Variants in TENM3 observed in about 807,000 individuals in gnomAD.
TENM3 encodes teneurin-3.
In TENM3, 63 loss-of-function variants were observed where a neutral mutation model predicts 255.1. That is an observed-to-expected ratio of 0.25 (90% CI 0.20 to 0.30). TENM3 has a LOEUF of 0.30. Ranked by LOEUF, TENM3 falls within the 10% of genes least tolerant of loss-of-function variation. The pLI is 1.00. For missense variants in TENM3, 2,929 were observed against 3,461.1 expected, an observed-to-expected ratio of 0.85 and a Z score of 3.86; for synonymous variants, 1,306 against 1,322.3, an observed-to-expected ratio of 0.99 and a Z score of 0.27.
At chr4:182,044,363 G>A in the TENM3 span, among the ~76,000 whole-genome samples, 23 of 152,206 alleles carry the variant, frequency 1.5e-4, no homozygotes, top group African/African-American at 5.5e-4. Flanking sequence ...GATCTAGTGG[G>A]TATGCTCTTA....
chr4:182,529,361 A>G (rs1317055978), intron 3 of TENM3, among the ~76,000 whole-genome samples: 3 of 152,170 alleles, frequency 2.0e-5, no homozygotes, highest in Non-Finnish European at 4.4e-5. Context: ...TTCAAGTATA[A>G]AAAGTGTTCA....
At chr4:182,093,985 T>C in the TENM3 span, among the ~76,000 whole-genome samples, 3 of 152,146 alleles carry the variant, frequency 2.0e-5, no homozygotes, top group Admixed American at 6.5e-5. Flanking sequence ...ACATTTTTAA[T>C]AGAGGAAGGA....
the TENM3 span, among the ~76,000 whole-genome samples, chr4:181,640,841 C>A: frequency 2.0e-5 from 3 of 152,226 alleles, no homozygotes; most frequent in African/African-American, 4.8e-5. Flanking sequence ...TTGGGCAACC[C>A]TTTCCTCCAA....
the TENM3 span, among the ~76,000 whole-genome samples, chr4:182,014,180 ATGTGTG>A: frequency 6.8e-6 from 1 of 148,096 alleles, no homozygotes; most frequent in African/African-American, 2.5e-5. Flanking sequence ...ACATATATAT[ATGTGTG>A]TGTATATATA....
intron 1 of TENM3, among the ~76,000 whole-genome samples, chr4:182,233,962 G>A (rs1454862134): frequency 6.6e-6 from 1 of 152,158 alleles, no homozygotes; most frequent in Non-Finnish European, 1.5e-5. Flanking sequence ...AGCTTTCCAG[G>A]CGTCTGATTT....
intron 13 of TENM3, 25 bp downstream of exon 13, chr4:182,714,258 G>T: frequency 6.5e-7 from 1 of 1,530,230 alleles, no homozygotes; most frequent in Non-Finnish European, 8.8e-7. Context: ...GCATGAACAC[G>T]AGTCTGTGCC....
At chr4:182,057,042 C>T in the TENM3 span, among the ~76,000 whole-genome samples, 1 of 150,946 alleles carries the variant, frequency 6.6e-6, no homozygotes, top group Admixed American at 6.7e-5. Context: ...TCTCGAATGC[C>T]CCAGTGATAG....
chr4:182,110,146 G>A, the TENM3 span, among the ~76,000 whole-genome samples: 1 of 149,970 alleles, frequency 6.7e-6, no homozygotes, highest in Non-Finnish European at 1.5e-5. Context: ...GAAATTCACA[G>A]TTCAGTGTCC....
chr4:181,534,357 C>T, the TENM3 span, among the ~76,000 whole-genome samples: 1 of 152,004 alleles, frequency 6.6e-6, no homozygotes, highest in Non-Finnish European at 1.5e-5. Flanking sequence ...ATACATTTAC[C>T]AGCCAATTTC....
chr4:182,153,178 T>G (rs1468867140), intron 1 of TENM3, among the ~76,000 whole-genome samples: 4 of 152,092 alleles, frequency 2.6e-5, no homozygotes, highest in Middle Eastern at 6.8e-3. Context: ...AAAGGCAGCC[T>G]GAAAAAGAAA....
At chr4:181,459,439 A>T in the TENM3 span, among the ~76,000 whole-genome samples, 10 of 151,748 alleles carry the variant, frequency 6.6e-5, no homozygotes, top group Non-Finnish European at 5.9e-5. Flanking sequence ...TTCCATAAAA[A>T]TTTCCTCCTA....
chr4:181,575,733 A>T, the TENM3 span, among the ~76,000 whole-genome samples: 1 of 151,960 alleles, frequency 6.6e-6, no homozygotes, highest in East Asian at 1.9e-4. Flanking sequence ...TTGGGGTTCA[A>T]CTCCTTTTTC....
intron 4 of TENM3, among the ~76,000 whole-genome samples, chr4:182,624,145 T>G (rs1282474398): frequency 6.6e-6 from 1 of 152,216 alleles, no homozygotes; most frequent in East Asian, 1.9e-4. Context: ...GGACATGGTA[T>G]ATCTTCAGCC....
chr4:182,050,670 G>A, the TENM3 span, among the ~76,000 whole-genome samples: 7 of 152,154 alleles, frequency 4.6e-5, no homozygotes, highest in East Asian at 5.8e-4. Context: ...CAGGCATGGC[G>A]GTGCACACCT....
chr4:182,529,807 G>C (rs759325726), intron 3 of TENM3, among the ~76,000 whole-genome samples: 2 of 152,176 alleles, frequency 1.3e-5, no homozygotes, highest in African/African-American at 2.4e-5. Context: ...TTACAGTGTA[G>C]TTACAGAGAA....
chr4:182,797,770 G>A (rs1284630111), intron 27 of TENM3, among the ~76,000 whole-genome samples: 1 of 152,132 alleles, frequency 6.6e-6, no homozygotes, highest in African/African-American at 2.4e-5. Flanking sequence ...GGAGAAGACA[G>A]TGCAGACTTT....
At chr4:182,007,905 G>T in the TENM3 span, among the ~76,000 whole-genome samples, 1 of 152,184 alleles carries the variant, frequency 6.6e-6, no homozygotes, top group Non-Finnish European at 1.5e-5. Flanking sequence ...AGGAGCTCTT[G>T]CAGGCCAGAC....
intron 16 of TENM3, among the ~76,000 whole-genome samples, chr4:182,732,091 T>C (rs1330480328): frequency 1.3e-5 from 2 of 152,158 alleles, no homozygotes; most frequent in African/African-American, 4.8e-5. Flanking sequence ...TTTCTAGTTA[T>C]TTCTTAAAGA....
At chr4:182,267,224 G>A (rs1215824104) in intron 1 of TENM3, among the ~76,000 whole-genome samples, 1 of 152,132 alleles carries the variant, frequency 6.6e-6, no homozygotes, top group Non-Finnish European at 1.5e-5. Flanking sequence ...TAACAGTTGA[G>A]TGTATGCCTA....
Sources: gnomAD v4.1 joint callset for allele counts (sites outside exome capture counted in the v4.1 genomes callset) on GRCh38, gnomAD v4.1.1 for gene constraint, MANE v1.5 for transcripts, NCBI Gene and HGNC (gene_info 2026-07-23, HGNC 2026-07-21) for gene names.